The following CTNND2 variants were observed in gnomAD, a reference collection of about 807,000 sequenced individuals.
The protein encoded by CTNND2 is catenin delta-2.
Under a neutral mutation model 144.4 loss-of-function variants are expected in CTNND2, and 22 were observed. The observed-to-expected ratio is 0.15, with a 90% CI of 0.11 to 0.22. The LOEUF is 0.22. Ranked by LOEUF, CTNND2 falls within the 10% of genes least tolerant of loss-of-function variation. The pLI, the probability that CTNND2 is intolerant of heterozygous loss-of-function variation, is 1.00. For synonymous variants in CTNND2, 751 were observed against 695.6 expected, an observed-to-expected ratio of 1.08 and a Z score of -1.25; for missense variants, 1,353 against 1,618.8, an observed-to-expected ratio of 0.84 and a Z score of 2.82.
At chr5:11,240,023 G>C (rs1257450972) in intron 9 of CTNND2, among the ~76,000 whole-genome samples, 6 of 152,078 alleles carry the variant, frequency 3.9e-5, no homozygotes, top group South Asian at 4.1e-4. Context: ...AACGAATGAA[G>C]AAAGGGCTTG....
intron 2 of CTNND2, among the ~76,000 whole-genome samples, chr5:11,571,875 T>C (rs1392122951): frequency 1.3e-5 from 2 of 152,218 alleles, no homozygotes; most frequent in Non-Finnish European, 2.9e-5. Context: ...TTGCATTTGA[T>C]AGTGTGTGAC....
intron 2 of CTNND2, among the ~76,000 whole-genome samples, chr5:11,584,872 C>G (rs1014388978): frequency 2.0e-4 from 30 of 152,084 alleles, no homozygotes; most frequent in Non-Finnish European, 3.7e-4. Flanking sequence ...GTAAAAAATC[C>G]AGGCCACTGC....
At chr5:11,416,004 A>T (rs1761906261) in intron 3 of CTNND2, among the ~76,000 whole-genome samples, 1 of 152,044 alleles carries the variant, frequency 6.6e-6, no homozygotes, top group South Asian at 2.1e-4. Flanking sequence ...TTGTGTTAAA[A>T]CTCTGTAATT....
intron 3 of CTNND2, among the ~76,000 whole-genome samples, chr5:11,418,637 C>T (rs62337476): frequency 0.043 from 6,527 of 152,172 alleles, 179 homozygotes; most frequent in Non-Finnish European, 0.066. Context: ...GAGATGATGA[C>T]GAAGATGAAG....
intron 3 of CTNND2, among the ~76,000 whole-genome samples, chr5:11,529,576 C>T (rs1436279740): frequency 6.6e-6 from 1 of 152,150 alleles, no homozygotes; most frequent in Non-Finnish European, 1.5e-5. Context: ...TCAAATAAAG[C>T]TTAGTTTGGA....
chr5:11,615,147 T>A (rs1780520591), intron 2 of CTNND2, among the ~76,000 whole-genome samples: 1 of 152,328 alleles, frequency 6.6e-6, no homozygotes, highest in Admixed American at 6.5e-5. Flanking sequence ...ATTTATTAGG[T>A]TGGTGCAAAG....
chr5:11,613,473 A>T (rs1780431692), intron 2 of CTNND2, among the ~76,000 whole-genome samples: 4 of 152,218 alleles, frequency 2.6e-5, no homozygotes, highest in Admixed American at 2.6e-4. Context: ...TTCAGAATTC[A>T]TGAAAAACCA....
rs540481466 is a variant in CTNND2, at chr5:11,059,553, C to T, written c.2788+23143G>A. On this transcript the variant is annotated intron_variant, in intron 16 of 21. Coordinates refer to ENST00000304623, the MANE Select transcript of CTNND2 (RefSeq NM_001332.4). ...TATGTCTTTATCAGCAGCGTGAAAA[C>T]GAACTAATACAGTCTTGTACATCAT... 9.9e-5 allele frequency among the ~76,000 whole-genome samples: 15 copies of T among 152,246 alleles called. No individual in the cohort carries two copies. The South Asian group carries it at 1.0e-3, about 11-fold the overall frequency.
chr5:11,644,988 G>A (rs781710437), intron 2 of CTNND2, among the ~76,000 whole-genome samples: 1 of 151,876 alleles, frequency 6.6e-6, no homozygotes, highest in Non-Finnish European at 1.5e-5. Context: ...TAAGAGACGG[G>A]GTCTCACTCT....
intron 3 of CTNND2, among the ~76,000 whole-genome samples, chr5:11,543,793 A>G (rs1290688327): frequency 6.6e-6 from 1 of 152,198 alleles, no homozygotes; most frequent in Admixed American, 6.5e-5. Context: ...TTACATTACT[A>G]ATGATGCTCT....
At chr5:11,843,351 G>A (rs1015998300) in intron 1 of CTNND2, among the ~76,000 whole-genome samples, 1 of 152,126 alleles carries the variant, frequency 6.6e-6, no homozygotes, top group Non-Finnish European at 1.5e-5. Flanking sequence ...TCATCAGAGG[G>A]ACTGACATTC....
At chr5:11,476,431 G>A (rs1334270986) in intron 3 of CTNND2, among the ~76,000 whole-genome samples, 2 of 152,148 alleles carry the variant, frequency 1.3e-5, no homozygotes, top group African/African-American at 2.4e-5. Flanking sequence ...ATTTTTAGAT[G>A]AGGAAATGGA....
chr5:11,794,394 T>C lies in CTNND2; in HGVS notation c.38-62122A>G, dbSNP rs139786373. ...CAATAGCTACTGATAAAAGGCGTTA[T>C]ATAATTAGGTGATAAATTGTGTGCG... On this transcript the variant is annotated intron_variant, in intron 1 of 21. Coordinates refer to ENST00000304623, the MANE Select transcript of CTNND2 (RefSeq NM_001332.4). Among the ~76,000 whole-genome samples, 57 of 152,350 alleles carry C rather than the reference T, an allele frequency of 3.7e-4. 1 individual carries two copies. The East Asian group carries it at 0.011, about 29-fold the overall frequency.
intron 9 of CTNND2, among the ~76,000 whole-genome samples, chr5:11,287,048 C>A (rs763732651): frequency 5.9e-5 from 9 of 152,018 alleles, no homozygotes; most frequent in African/African-American, 2.2e-4. Context: ...TCAATAACAC[C>A]GTTGAGAAAA....
intron 9 of CTNND2, among the ~76,000 whole-genome samples, chr5:11,249,841 T>G (rs1743379960): frequency 6.6e-6 from 1 of 151,242 alleles, no homozygotes; most frequent in Admixed American, 6.6e-5. Context: ...CAGTCATTAG[T>G]GTCCATGTCA....
At chr5:11,634,764 A>G (rs879912416) in intron 2 of CTNND2, among the ~76,000 whole-genome samples, 11 of 152,194 alleles carry the variant, frequency 7.2e-5, no homozygotes, top group Non-Finnish European at 1.3e-4. Flanking sequence ...GGAAAGCAGA[A>G]GAATCTTAGA....
intron 1 of CTNND2, among the ~76,000 whole-genome samples, chr5:11,734,998 G>C (rs1187530678): frequency 2.6e-5 from 4 of 152,128 alleles, no homozygotes; most frequent in Non-Finnish European, 4.4e-5. Context: ...ATCACCAATG[G>C]GGATTGGAAT....
intron 9 of CTNND2, among the ~76,000 whole-genome samples, chr5:11,296,074 A>C (rs1261152668): frequency 6.4e-5 from 2 of 31,230 alleles, no homozygotes; most frequent in Non-Finnish European, 1.2e-4. Context: ...AAATTTTTGC[A>C]ATCTACTCAT....
At chr5:11,401,406 C>A (rs1760638898) in intron 5 of CTNND2, among the ~76,000 whole-genome samples, 1 of 152,114 alleles carries the variant, frequency 6.6e-6, no homozygotes, top group African/African-American at 2.4e-5. Flanking sequence ...ACAGAAGAGG[C>A]CAGAGGTCTA....
Sources: allele counts gnomAD v4.1 joint callset (sites outside exome capture counted in the v4.1 genomes callset), GRCh38; gene constraint gnomAD v4.1.1; transcripts MANE v1.5; gene names NCBI Gene and HGNC (gene_info 2026-07-23, HGNC 2026-07-21).